KIAA1217: variants seen among roughly 807,000 people sequenced by gnomAD.
KIAA1217 encodes sickle tail protein homolog.
Under a neutral mutation model 163.9 loss-of-function variants are expected in KIAA1217, and 88 were observed. The ratio of observed to expected loss-of-function variants is 0.54; its 90% CI spans 0.45 to 0.64. KIAA1217 has a LOEUF of 0.64. Ranked by LOEUF, KIAA1217 falls within the 30% of genes least tolerant of loss-of-function variation. The pLI is 0.00. For missense variants in KIAA1217, 2,372 were observed against 2,475.0 expected (o/e 0.96, Z 0.88); for synonymous variants, 903 against 923.1 (o/e 0.98, Z 0.39).
chr10:24,293,725 G>C (rs1466357892), intron 2 of KIAA1217, among the ~76,000 whole-genome samples: 1 of 152,202 alleles, frequency 6.6e-6, no homozygotes, highest in Non-Finnish European at 1.5e-5. Flanking sequence ...TATCAACGGT[G>C]TCTTAAATTA....
intron 2 of KIAA1217, among the ~76,000 whole-genome samples, chr10:24,167,214 T>C (rs551816784): frequency 1.3e-5 from 2 of 152,086 alleles, no homozygotes; most frequent in East Asian, 3.9e-4. Flanking sequence ...CTTTCATCTT[T>C]CTGATAAAAA....
intron 5 of KIAA1217, among the ~76,000 whole-genome samples, chr10:24,462,431 C>T (rs2062505935): frequency 6.6e-6 from 1 of 152,118 alleles, no homozygotes; most frequent in Admixed American, 6.6e-5. Context: ...AGTGATCACG[C>T]GTGGGCAGGC....
intron 1 of KIAA1217, among the ~76,000 whole-genome samples, chr10:23,994,335 G>A (rs1018450638): frequency 2.0e-4 from 31 of 152,128 alleles, no homozygotes; most frequent in African/African-American, 7.0e-4. Context: ...TGAGGACCAG[G>A]GACATCTGAT....
chr10:23,747,016 A>G (rs991037783), intron 1 of KIAA1217, among the ~76,000 whole-genome samples: 2 of 152,192 alleles, frequency 1.3e-5, no homozygotes, highest in African/African-American at 4.8e-5. Context: ...TAGGAGGTAA[A>G]GAAGAAACTA....
intron 5 of KIAA1217, among the ~76,000 whole-genome samples, chr10:24,458,780 C>G (rs1162575121): frequency 6.6e-6 from 1 of 152,134 alleles, no homozygotes; most frequent in Non-Finnish European, 1.5e-5. Flanking sequence ...TCCATCTTCT[C>G]TTGGCAGATT....
At chr10:24,448,416 C>T (rs1339790693) in intron 5 of KIAA1217, among the ~76,000 whole-genome samples, 1 of 152,130 alleles carries the variant, frequency 6.6e-6, no homozygotes, top group East Asian at 1.9e-4. Context: ...AAGGCAGGGT[C>T]TTGCTCTGTC....
At chr10:24,263,741 G>A (rs1044336215) in intron 2 of KIAA1217, among the ~76,000 whole-genome samples, 4 of 152,100 alleles carry the variant, frequency 2.6e-5, no homozygotes, top group African/African-American at 4.8e-5. Context: ...TTCATGTTAC[G>A]AGATGCCTCT....
At chr10:24,220,032 G>C in intron 2 of KIAA1217, 123 bp downstream of exon 2, 1 of 1,044,656 alleles carries the variant, frequency 9.6e-7, no homozygotes, top group East Asian at 2.9e-5. Flanking sequence ...CTATTTAGTT[G>C]TTCTGGATTT....
At chr10:24,103,194 A>G (rs888519519) in intron 2 of KIAA1217, among the ~76,000 whole-genome samples, 2 of 152,186 alleles carry the variant, frequency 1.3e-5, no homozygotes, top group Non-Finnish European at 2.9e-5. Flanking sequence ...AGGGTACTGG[A>G]ACAACTAGAC....
chr10:24,379,849 T>A (rs1327157029), intron 2 of KIAA1217, among the ~76,000 whole-genome samples: 2 of 151,764 alleles, frequency 1.3e-5, no homozygotes, highest in Non-Finnish European at 2.9e-5. Context: ...GTCAGGAGTT[T>A]GAGACCACCC....
At chr10:24,308,647 C>T (rs188086455) in intron 2 of KIAA1217, among the ~76,000 whole-genome samples, 12 of 152,334 alleles carry the variant, frequency 7.9e-5, no homozygotes, top group African/African-American at 2.6e-4. Flanking sequence ...GCGTATCCAT[C>T]ATAAACATCC....
chr10:24,167,026 A>T (rs560266907), intron 2 of KIAA1217, among the ~76,000 whole-genome samples: 43 of 152,064 alleles, frequency 2.8e-4, no homozygotes, highest in Non-Finnish European at 4.4e-4. Context: ...AATTAAGCAT[A>T]CCCCCTTTAG....
chr10:23,887,708 T>C (rs1309274208), intron 1 of KIAA1217, among the ~76,000 whole-genome samples: 1 of 151,874 alleles, frequency 6.6e-6, no homozygotes, highest in Non-Finnish European at 1.5e-5. Context: ...ATTTTATTTT[T>C]AGTTTTTACT....
chr10:23,859,032 G>T (rs1839837196), intron 1 of KIAA1217, among the ~76,000 whole-genome samples: 1 of 152,182 alleles, frequency 6.6e-6, no homozygotes, highest in Non-Finnish European at 1.5e-5. Flanking sequence ...GGAGCACAAA[G>T]ACCCTGACTA....
At chr10:23,754,290 C>T (rs1002814891) in intron 1 of KIAA1217, among the ~76,000 whole-genome samples, 21 of 152,128 alleles carry the variant, frequency 1.4e-4, no homozygotes, top group African/African-American at 5.1e-4. Flanking sequence ...GGGACATTTC[C>T]CAGAACTTTA....
At chr10:24,525,187 A>G (rs2071938781) in intron 13 of KIAA1217, among the ~76,000 whole-genome samples, 1 of 152,184 alleles carries the variant, frequency 6.6e-6, no homozygotes, top group African/African-American at 2.4e-5. Context: ...ACATGACACC[A>G]CTACTGCTGA....
intron 1 of KIAA1217, among the ~76,000 whole-genome samples, chr10:23,799,903 T>C (rs1197950192): frequency 1.3e-5 from 2 of 152,238 alleles, no homozygotes; most frequent in Non-Finnish European, 2.9e-5. Context: ...GGACTAAGAA[T>C]TGAAAATATG....
At chr10:23,870,838 T>C (rs892799546) in intron 1 of KIAA1217, among the ~76,000 whole-genome samples, 6 of 152,204 alleles carry the variant, frequency 3.9e-5, no homozygotes, top group Admixed American at 6.5e-5. Flanking sequence ...ATTGAGTTTA[T>C]GCCAGCTGCT....
At chr10:24,023,834 A>C (rs10828585) in intron 2 of KIAA1217, among the ~76,000 whole-genome samples, 40,447 of 151,578 alleles carry the variant, frequency 0.27, 5,735 homozygotes, top group East Asian at 0.38. Flanking sequence ...TGCAGACTCA[A>C]TATTGTAAAC....
Sources: gnomAD v4.1 joint callset for allele counts (sites outside exome capture counted in the v4.1 genomes callset) on GRCh38, gnomAD v4.1.1 for gene constraint, MANE v1.5 for transcripts, NCBI Gene and HGNC (gene_info 2026-07-23, HGNC 2026-07-21) for gene names.